ETV5: variants seen among roughly 807,000 people sequenced by gnomAD.
The protein encoded by ETV5 is ETS translocation variant 5.
A neutral mutation model predicts 70.0 loss-of-function variants in ETV5; 10 were observed. The observed-to-expected ratio is 0.14, with a 90% CI of 0.09 to 0.24. ETV5 has a LOEUF of 0.24. Among genes scored for constraint, ETV5 ranks in the 10% least tolerant of loss-of-function variants. The pLI is 1.00. For synonymous variants in ETV5, 216 were observed against 242.2 expected (o/e 0.89, Z 1.01); for missense variants, 453 against 651.2 (o/e 0.70, Z 3.31).
In ETV5 at chr3:186,079,939, G is replaced by C; in HGVS notation, c.528C>G (p.Pro176=). The C allele has an allele frequency of 6.2e-7, 1 of 1,606,038 alleles. No individual in the cohort carries two copies. Residue 176 remains proline (P), a synonymous_variant, in exon 7 of 13, where the codon CCC becomes CCG. Transcript: ENST00000306376. The part of the protein sequence containing the change: ...AGPVQGVGPA[P]APHSLPEPGP... ...CAGGCTCTGGAAGCGAATGGGGGGC[G>C]GGGGCGGGGCCCACACCTTGAACTG... is the stretch of plus-strand genomic sequence containing the variant.
At chr3:186,056,082 A>AT (rs1713156064) in intron 11 of ETV5, among the ~76,000 whole-genome samples, 1 of 152,212 alleles carries the variant, frequency 6.6e-6, no homozygotes, top group Admixed American at 6.5e-5. Context: ...TGAGAGCCTG[A>AT]TTTAATTTAC....
chr3:186,067,202 A>G (rs921053765), intron 7 of ETV5, among the ~76,000 whole-genome samples: 3 of 152,224 alleles, frequency 2.0e-5, no homozygotes, highest in African/African-American at 4.8e-5. Flanking sequence ...TGGGAGGCCA[A>G]TGCGGGGGGA....
chr3:186,056,095 T>C (rs1052466595), intron 11 of ETV5, among the ~76,000 whole-genome samples: 1 of 152,238 alleles, frequency 6.6e-6, no homozygotes, highest in Admixed American at 6.5e-5. Context: ...TAATTTACTT[T>C]GTTATGTGAT....
Position 186,048,858 on chromosome 3 carries a change from C to T in ETV5, c.1314G>A (p.Val438=), listed in dbSNP as rs1452004453. The T allele has an allele frequency of 3.1e-6, 5 of 1,612,992 alleles. No homozygotes were observed. Among genetic ancestry groups the T allele is most frequent in the Non-Finnish European group, 3.4e-6 (4 of 1,179,438 alleles). ...ATTTGTAGACGTATCGCTCTCCAGC[C>T]ACCTGCGGGAGAACACACACCTTAC... ...YYYEKGIMQK[V]AGERYVYKFV... is the part of the protein sequence containing the mutation. The change falls in exon 13 of 13, where the codon GTG becomes GTA. Residue 438 remains valine, a splice_region_variant and synonymous_variant. Transcript: ENST00000306376.
At chr3:186,071,875 G>A (rs554269211) in intron 7 of ETV5, among the ~76,000 whole-genome samples, 12 of 151,736 alleles carry the variant, frequency 7.9e-5, no homozygotes, top group African/African-American at 2.6e-4. Flanking sequence ...TCGGCTCACC[G>A]CAACCTCCGC....
At chr3:186,103,729 A>G (rs1488236199) in intron 5 of ETV5, among the ~76,000 whole-genome samples, 1 of 152,166 alleles carries the variant, frequency 6.6e-6, no homozygotes. Context: ...GAAAGCAATC[A>G]AAGGGCAATA....
chr3:186,085,988 T>C (rs931920105), intron 5 of ETV5, among the ~76,000 whole-genome samples: 1 of 152,080 alleles, frequency 6.6e-6, no homozygotes, highest in African/African-American at 2.4e-5. Flanking sequence ...ACTGCAGCCA[T>C]GGATGCCATC....
intron 5 of ETV5, among the ~76,000 whole-genome samples, chr3:186,102,779 G>A (rs944976086): frequency 2.6e-5 from 4 of 151,796 alleles, no homozygotes; most frequent in South Asian, 2.1e-4. Context: ...AAAAAATCAC[G>A]AGCTCTTCCA....
chr3:186,107,149 A>G (rs1463768982), intron 1 of ETV5, among the ~76,000 whole-genome samples: 1 of 152,214 alleles, frequency 6.6e-6, no homozygotes. Flanking sequence ...ACTTTGGCCC[A>G]AGGAATCAGA....
intron 7 of ETV5, among the ~76,000 whole-genome samples, chr3:186,077,293 A>G (rs1280573125): frequency 6.6e-6 from 1 of 152,252 alleles, no homozygotes; most frequent in Non-Finnish European, 1.5e-5. Flanking sequence ...ACCTATAGTC[A>G]CCAATAAAAG....
At chr3:186,061,552 C>T (rs760177158) in intron 9 of ETV5, among the ~76,000 whole-genome samples, 55 of 152,200 alleles carry the variant, frequency 3.6e-4, no homozygotes, top group Admixed American at 1.3e-4. Flanking sequence ...GGGAATCACA[C>T]TGCTTTAAAT....
At chr3:186,082,756 C>T (rs1247248499) in intron 5 of ETV5, among the ~76,000 whole-genome samples, 2 of 152,198 alleles carry the variant, frequency 1.3e-5, no homozygotes, top group Non-Finnish European at 2.9e-5. Context: ...TCTGATAAGG[C>T]TGAACTATCT....
chr3:186,086,250 C>CG (rs1714056550), intron 5 of ETV5, among the ~76,000 whole-genome samples: 1 of 152,194 alleles, frequency 6.6e-6, no homozygotes, highest in African/African-American at 2.4e-5. Flanking sequence ...CATGTATTGC[C>CG]TTGCAGACAA....
chr3:186,051,898 G>T, intron 12 of ETV5, 132 bp downstream of exon 12: 1 of 743,318 alleles, frequency 1.3e-6, no homozygotes, highest in Non-Finnish European at 2.3e-6. Flanking sequence ...TCTCAAGATT[G>T]TTTCCTACCA....
chr3:186,050,234 T>C (rs576717272), intron 12 of ETV5, among the ~76,000 whole-genome samples: 3 of 152,312 alleles, frequency 2.0e-5, no homozygotes, highest in South Asian at 2.1e-4. Flanking sequence ...AGCTAACAAA[T>C]TGAAGTGTTA....
rs77805826 is a variant in ETV5, at chr3:186,080,236, C to T, written c.363-132G>A. The T allele has an allele frequency of 0.12, 78,235 of 638,100 alleles. 5,296 individuals carry two copies. The highest frequency in any genetic ancestry group is 0.16 in the South Asian group (4,788 of 30,262). 39.5% of individuals were successfully genotyped at this position (638,100 alleles called of 1,614,324 possible). On this transcript the variant is annotated intron_variant, in intron 6 of 12. Transcript: ENST00000306376. ...ACAGCATTAACATAGTTAAATCGCT[C>T]GTAGCCCCGAGGGGATATTTGTACC...
At chr3:186,086,143 A>G (rs1714053896) in intron 5 of ETV5, among the ~76,000 whole-genome samples, 1 of 152,220 alleles carries the variant, frequency 6.6e-6, no homozygotes, top group South Asian at 2.1e-4. Flanking sequence ...GCACAAATAT[A>G]TATGACAGTC....
chr3:186,101,191 T>G (rs1468111195), intron 5 of ETV5, among the ~76,000 whole-genome samples: 2 of 152,258 alleles, frequency 1.3e-5, no homozygotes, highest in South Asian at 2.1e-4. Context: ...TATATACACA[T>G]GCACAAACAC....
chr3:186,065,795 G>A lies in ETV5; in HGVS notation c.910+18C>T, dbSNP rs752678830. The stretch of plus-strand genomic sequence containing the variant: ...GAATGCAAGAATGAAGCAAAGAATA[G>A]CACAATTTGATGCTGACCTGAATCG... On this transcript the variant is annotated intron_variant, in intron 8 of 12. Coordinates refer to ENST00000306376, the MANE Select transcript of ETV5 (RefSeq NM_004454.3). 2.5e-6 allele frequency: 4 copies of A among 1,613,622 alleles called. No homozygotes were observed. Among genetic ancestry groups the A allele is most frequent in the East Asian group, 2.2e-5 (1 of 44,876 alleles).
Sources: gnomAD v4.1 joint callset for allele counts (sites outside exome capture counted in the v4.1 genomes callset) on GRCh38, gnomAD v4.1.1 for gene constraint, MANE v1.5 for transcripts, NCBI Gene and HGNC (gene_info 2026-07-23, HGNC 2026-07-21) for gene names.